HELB: variants seen among roughly 807,000 people sequenced by gnomAD.
HELB encodes the protein DNA 5'-3' helicase B.
In HELB, 96 loss-of-function variants were observed where a neutral mutation model predicts 101.7. The ratio of observed to expected loss-of-function variants is 0.94; its 90% CI spans 0.80 to 1.12. HELB has a LOEUF of 1.12. Among genes scored for constraint, HELB ranks in the 50% most tolerant of loss-of-function variants. The pLI is 0.00. For missense variants in HELB, 1,210 were observed against 1,291.9 expected (o/e 0.94, Z 0.97); for synonymous variants, 437 against 459.7 (o/e 0.95, Z 0.63).
chr12:66,331,753 T>A, intron 12 of HELB, 108 bp downstream of exon 12: 1 of 1,068,320 alleles, frequency 9.4e-7, no homozygotes. Context: ...GCTGTTGGAC[T>A]TAAAAACAAT....
At chr12:66,338,431 C>A, downstream of HELB, 1 of 203,288 alleles carries the variant, frequency 4.9e-6, no homozygotes. Flanking sequence ...CACCAGAGGC[C>A]AGGAGTTTGA....
intron 7 of HELB, chr12:66,321,252 T>C (rs2053667044): frequency 6.6e-6 from 1 of 152,174 alleles, no homozygotes; most frequent in African/African-American, 2.4e-5. Context: ...GAAGTCAGAC[T>C]ACCCAATGGC....
chr12:66,324,822 A>G, intron 10 of HELB, 161 bp from the exon 11 acceptor site: 2 of 737,136 alleles, frequency 2.7e-6, no homozygotes, highest in Non-Finnish European at 4.6e-6. Flanking sequence ...GTATAGATAT[A>G]TTGTTTGTGC....
Position 66,302,562 on chromosome 12 carries a change from C to G in HELB, c.-42C>G, listed in dbSNP as rs1218658799. 2 of 1,585,808 alleles carry G rather than the reference C, an allele frequency of 1.3e-6. No homozygotes were observed. The highest frequency in any genetic ancestry group is 1.7e-6 in the Non-Finnish European group (2 of 1,157,248). On this transcript the variant is annotated 5_prime_UTR_variant, in exon 1 of 13. Coordinates refer to ENST00000247815, the MANE Select transcript of HELB (RefSeq NM_001370285.1). ...TGGCTGATCATGACCATGCAGTTAG[C>G]CAGGGTTTTCCCGAGTTGTTTGGGT...
rs1237252180 is a variant in HELB, at chr12:66,315,248, T to C, written c.1865T>C (p.Ile622Thr). 5.7e-6 allele frequency: 9 copies of C among 1,591,138 alleles called. No individual in the cohort carries two copies. The highest frequency in any genetic ancestry group is 7.7e-6 in the Non-Finnish European group (9 of 1,169,586). Residue 622 changes from isoleucine to threonine, a missense_variant, in exon 6 of 13, where the codon ATT becomes ACT. Around this residue, in one of 2 missense-constraint regions of HELB, gnomAD observed 740 missense variants for 728.8 expected, o/e 1.02. Coordinates refer to ENST00000247815, the MANE Select transcript of HELB (RefSeq NM_001370285.1). ...GTATCTTTTTTTCTTTTAGGTGACA[T>C]TAGACAGTTACCCAGTATTGAACCT... ...KLSKLIILGD[I>T]RQLPSIEPGN...
intron 4 of HELB, 71 bp downstream of exon 4, chr12:66,310,679 C>A (rs548544614): frequency 2.1e-6 from 3 of 1,422,664 alleles, no homozygotes; most frequent in Middle Eastern, 1.8e-4. Context: ...CGCCTGTAAT[C>A]CCAGAACTTT....
At position 66,306,390 on chromosome 12, in the gene HELB, T is replaced by C. The variant is rs781388173; in HGVS notation, c.653T>C (p.Met218Thr). 1.2e-6 allele frequency: 2 copies of C among 1,603,480 alleles called. No individual in the cohort carries two copies. Among genetic ancestry groups the C allele is most frequent in the Non-Finnish European group, 1.7e-6 (2 of 1,175,406 alleles). ...VMTALQFPKIMEFLPVLLPRH... is the reference protein window; with the variant it reads ...VMTALQFPKITEFLPVLLPRH... ...ACAGCTTTGCAGTTTCCGAAGATAA[T>C]GGAATTCCTTCCAGTTCTTCTGCCT... The change falls in exon 3 of 13, where the codon ATG becomes ACG. Residue 218 changes from methionine to threonine, a missense_variant. Physicochemically the swap from Met to Thr is moderately conservative, Grantham distance 81. This residue lies in a region of HELB where 470 missense variants were observed against 563.1 expected (regional missense o/e 0.83). Coordinates refer to ENST00000247815, the MANE Select transcript of HELB (RefSeq NM_001370285.1).
At chr12:66,338,658 A>G (rs1171991656), downstream of HELB, 1 of 151,852 alleles carries the variant, frequency 6.6e-6, no homozygotes, top group Non-Finnish European at 1.5e-5. Flanking sequence ...AAAAACAAAC[A>G]AACAAACAAA....
chr12:66,332,901 G>A (rs182520082), intron 12 of HELB, among the ~76,000 whole-genome samples: 84 of 151,918 alleles, frequency 5.5e-4, no homozygotes, highest in African/African-American at 1.8e-3. Flanking sequence ...TTCCCACTAT[G>A]CTTTTTCTGC....
At chr12:66,307,613 C>A (rs1423355458) in intron 3 of HELB, among the ~76,000 whole-genome samples, 4 of 152,192 alleles carry the variant, frequency 2.6e-5, no homozygotes, top group Non-Finnish European at 4.4e-5. Flanking sequence ...TTGCTAGGCT[C>A]ACCATCTTCC....
chr12:66,314,159 C>T lies in HELB; in HGVS notation c.1854C>T (p.Ile618=), dbSNP rs777947796. 8.7e-6 allele frequency: 14 copies of T among 1,610,756 alleles called. No individual in the cohort carries two copies. In the African/African-American group the frequency reaches 1.6e-4, roughly 18 times the overall value. The change falls in exon 5 of 13, where the codon ATC becomes ATT. Residue 618 remains isoleucine, a synonymous_variant. Coordinates refer to ENST00000247815, the MANE Select transcript of HELB (RefSeq NM_001370285.1). ...ACTCCAAACTTTCTAAGCTTATTAT[C>T]CTTGGTAAGTTAAAATATTGTTGGA... The part of the protein sequence containing the change: ...CEHSKLSKLI[I]LGDIRQLPSI...
chr12:66,302,610 A>G lies in HELB; in HGVS notation c.7A>G (p.Arg3Gly), dbSNP rs1439085415. The G allele has an allele frequency of 5.6e-6, 9 of 1,613,164 alleles. No homozygotes were observed. In the African/African-American group the frequency reaches 6.7e-5, roughly 12 times the overall value. ...GGTTGAGTTCAGGAGAAGCATGGCCAGGTCGAGTCCGTACCTGCGCCAACT... is the reference window on the plus strand; with the variant it reads ...GGTTGAGTTCAGGAGAAGCATGGCCGGGTCGAGTCCGTACCTGCGCCAACT... MA[R>G]SSPYLRQLQG... Residue 3 changes from arginine to glycine, a missense_variant, in exon 1 of 13, where the codon AGG (arginine) becomes GGG (glycine). Physicochemically the swap from Arg to Gly is moderately radical, Grantham distance 125. Around this residue, in one of 2 missense-constraint regions of HELB, gnomAD observed 470 missense variants for 563.1 expected, o/e 0.83. Coordinates refer to ENST00000247815, the MANE Select transcript of HELB (RefSeq NM_001370285.1).
intron 7 of HELB, among the ~76,000 whole-genome samples, chr12:66,319,800 G>A (rs892201709): frequency 2.0e-5 from 3 of 151,654 alleles, no homozygotes; most frequent in Non-Finnish European, 4.4e-5. Context: ...CACTTCCCGT[G>A]GGTTAGTGAT....
rs1447144920 is a variant in HELB at position 66,318,711 on chromosome 12, A to G, written c.2074A>G (p.Ile692Val). 6.2e-7 allele frequency: 1 copy of G among 1,610,500 alleles called. No individual in the cohort carries two copies. Among genetic ancestry groups the G allele is most frequent in the African/African-American group, 1.3e-5 (1 of 74,860 alleles). The change falls in exon 7 of 13, where the codon ATT (isoleucine) becomes GTT (valine). Residue 692 changes from isoleucine (I) to valine (V), a missense_variant. Coordinates refer to ENST00000247815, the MANE Select transcript of HELB (RefSeq NM_001370285.1). The part of the protein sequence containing the change: ...ISDNPTLPIS[I>V]QDKTFIFVRL... The stretch of plus-strand genomic sequence containing the variant: ...TGATAATCCAACATTACCCATCTCA[A>G]TTCAAGATAAGACATTTATTTTTGT...
At chr12:66,336,072 A>G (rs1441363718) in intron 12 of HELB, among the ~76,000 whole-genome samples, 1 of 152,222 alleles carries the variant, frequency 6.6e-6, no homozygotes, top group African/African-American at 2.4e-5. Context: ...TTCACATGGT[A>G]ATACCTCAAA....
At chr12:66,332,867 C>T (rs2053825337) in intron 12 of HELB, among the ~76,000 whole-genome samples, 1 of 152,074 alleles carries the variant, frequency 6.6e-6, no homozygotes, top group African/African-American at 2.4e-5. Context: ...CAATTTGATT[C>T]CAGTTTTCTC....
In HELB at chr12:66,331,451, A is replaced by G. The variant is rs1345688648; in HGVS notation, c.2968A>G (p.Thr990Ala). 1 of 1,614,212 alleles carries G rather than the reference A, an allele frequency of 6.2e-7. No individual in the cohort carries two copies. Among genetic ancestry groups the G allele is most frequent in the African/African-American group, 1.3e-5 (1 of 75,052 alleles). ...TPSASPLPVV[T>A]DHAMTNDVTW... ...GTCAGCATCTCCACTCCCTGTAGTCACAGACCACGCCATGACAAATGATGT... is the reference window on the plus strand; with the variant it reads ...GTCAGCATCTCCACTCCCTGTAGTCGCAGACCACGCCATGACAAATGATGT... Residue 990 changes from threonine (T) to alanine (A), a missense_variant, in exon 12 of 13, where the codon ACA becomes GCA. This residue lies in a region of HELB where 740 missense variants were observed against 728.8 expected (regional missense o/e 1.02). Transcript: ENST00000247815.
At chr12:66,336,834 T>TGA (rs2053871275) in intron 12 of HELB, among the ~76,000 whole-genome samples, 1 of 152,184 alleles carries the variant, frequency 6.6e-6, no homozygotes, top group Non-Finnish European at 1.5e-5. Flanking sequence ...TGATTGCAAC[T>TGA]GAGAACAGTA....
chr12:66,337,103 T>G (rs536920236), intron 12 of HELB, among the ~76,000 whole-genome samples: 133 of 152,256 alleles, frequency 8.7e-4, no homozygotes, highest in African/African-American at 3.0e-3. Context: ...CTCCAAGACT[T>G]CTGGCTAAGG....
Sources: gnomAD v4.1 joint callset for allele counts (sites outside exome capture counted in the v4.1 genomes callset) on GRCh38, gnomAD v4.1.1 for gene constraint, gnomAD v4.1.1 regional missense constraint, MANE v1.5 for transcripts, NCBI Gene and HGNC (gene_info 2026-07-23, HGNC 2026-07-21) for gene names.